NUDCD3: variants seen among roughly 807,000 people sequenced by gnomAD.
The protein encoded by NUDCD3 is nudC domain-containing protein 3.
Under a neutral mutation model 39.7 loss-of-function variants are expected in NUDCD3, and 13 were observed. The ratio of observed to expected loss-of-function variants is 0.33; its 90% CI spans 0.21 to 0.52. NUDCD3 has a LOEUF of 0.52. Among genes scored for constraint, NUDCD3 ranks in the 20% least tolerant of loss-of-function variants. The pLI is 0.96. For missense variants in NUDCD3, 453 were observed against 458.1 expected (o/e 0.99, Z 0.10); for synonymous variants, 175 against 172.4 (o/e 1.02, Z -0.12).
chr7:44,396,126 T>TGTG (rs1563164530), intron 4 of NUDCD3, among the ~76,000 whole-genome samples: 4 of 148,074 alleles, frequency 2.7e-5, no homozygotes, highest in African/African-American at 4.9e-5. Flanking sequence ...TGTGTGTGTG[T>TGTG]TTAATTACAG....
rs1798277492 is a variant in NUDCD3 at position 44,379,764 on chromosome 7, C to G, written c.*6247G>C. 1 of 152,260 alleles carries G rather than the reference C, an allele frequency of 6.6e-6. No individual in the cohort carries two copies. The highest frequency in any genetic ancestry group is 2.4e-5 in the African/African-American group (1 of 41,358). The allele number at this position is 152,260 out of a possible 1,614,324, so 9.4% of individuals were successfully genotyped here. A position where few individuals can be genotyped will look rare whatever the true frequency, so the allele number is the denominator to read the frequency against. ...TCCCCCACTGCATAGAGCCTGGTGC[C>G]AGGGAAGACAGGCTGGACCTGGCTG... is the stretch of plus-strand genomic sequence containing the variant. On this transcript the variant is annotated 3_prime_UTR_variant, in exon 6 of 6. Coordinates refer to ENST00000355451, the MANE Select transcript of NUDCD3 (RefSeq NM_015332.4).
At chr7:44,416,226 G>A (rs1172115216) in intron 3 of NUDCD3, among the ~76,000 whole-genome samples, 8 of 152,132 alleles carry the variant, frequency 5.3e-5, no homozygotes. Flanking sequence ...TAGGACTACA[G>A]CAGCGTGCCA....
chr7:44,466,549 AGGCTCAGCCATGTGGTTCTG>A (rs1367017931), intron 2 of NUDCD3, among the ~76,000 whole-genome samples: 1 of 152,218 alleles, frequency 6.6e-6, no homozygotes, highest in East Asian at 1.9e-4. Flanking sequence ...CTCTGGTACC[AGGCTCAGCCATGTGGTTCTG>A]GGCTCAGCCA....
At chr7:44,401,614 T>C (rs1307595552) in intron 4 of NUDCD3, among the ~76,000 whole-genome samples, 3 of 152,168 alleles carry the variant, frequency 2.0e-5, no homozygotes, top group Non-Finnish European at 4.4e-5. Flanking sequence ...TAAGGAACCA[T>C]GGGAAAGAAC....
chr7:44,425,704 A>AT (rs77457493), intron 3 of NUDCD3, among the ~76,000 whole-genome samples: 1 of 151,932 alleles, frequency 6.6e-6, no homozygotes. Flanking sequence ...TCTACAAAAA[A>AT]TTTTTTTTAA....
At chr7:44,406,187 G>C (rs944576798) in intron 3 of NUDCD3, among the ~76,000 whole-genome samples, 1 of 152,336 alleles carries the variant, frequency 6.6e-6, no homozygotes, top group African/African-American at 2.4e-5. Context: ...GGGACACAGC[G>C]AAGATATTCT....
intron 2 of NUDCD3, chr7:44,484,650 C>T (rs1800566701): frequency 8.3e-6 from 2 of 239,842 alleles, no homozygotes; most frequent in African/African-American, 2.2e-5. Flanking sequence ...CACAAACAAT[C>T]GAGCTGCTGA....
intron 2 of NUDCD3, chr7:44,467,830 AAG>A: frequency 9.1e-6 from 9 of 986,404 alleles, no homozygotes; most frequent in Non-Finnish European, 1.3e-5. Flanking sequence ...AAAAAAAAAA[AAG>A]AAAAGAAAAG....
chr7:44,452,114 AT>A (rs1226552783), intron 2 of NUDCD3, among the ~76,000 whole-genome samples: 1 of 152,236 alleles, frequency 6.6e-6, no homozygotes, highest in African/African-American at 2.4e-5. Flanking sequence ...GAGACAGCCC[AT>A]CCCAAGTCCC....
At chr7:44,466,059 A>T (rs1455190490) in intron 2 of NUDCD3, among the ~76,000 whole-genome samples, 1 of 152,144 alleles carries the variant, frequency 6.6e-6, no homozygotes, top group Non-Finnish European at 1.5e-5. Flanking sequence ...GCCACCCAAC[A>T]TGAGACATCT....
intron 2 of NUDCD3, among the ~76,000 whole-genome samples, chr7:44,452,697 T>C (rs1188864910): frequency 6.6e-6 from 1 of 152,154 alleles, no homozygotes; most frequent in Non-Finnish European, 1.5e-5. Flanking sequence ...TGATTTAAAA[T>C]ATAATCAAGT....
At chr7:44,453,774 T>G (rs987757650) in intron 2 of NUDCD3, among the ~76,000 whole-genome samples, 2 of 152,210 alleles carry the variant, frequency 1.3e-5, no homozygotes, top group Admixed American at 1.3e-4. Context: ...CCAGGCGTGG[T>G]GGCTCACACC....
At chr7:44,399,181 A>G (rs1798677582) in intron 4 of NUDCD3, among the ~76,000 whole-genome samples, 1 of 152,172 alleles carries the variant, frequency 6.6e-6, no homozygotes, top group African/African-American at 2.4e-5. Context: ...AGGCACCATT[A>G]GCCGGCTCTG....
intron 2 of NUDCD3, among the ~76,000 whole-genome samples, chr7:44,432,328 G>T (rs1799380042): frequency 6.6e-6 from 1 of 152,176 alleles, no homozygotes; most frequent in South Asian, 2.1e-4. Flanking sequence ...AAAGCTAGTG[G>T]CAAGTATGTA....
chr7:44,394,277 T>C (rs1420163441), intron 4 of NUDCD3, among the ~76,000 whole-genome samples: 2 of 152,208 alleles, frequency 1.3e-5, no homozygotes, highest in Non-Finnish European at 2.9e-5. Context: ...ACCCAGTAAA[T>C]GACGCTGCTC....
chr7:44,449,514 T>C (rs1048175496), intron 2 of NUDCD3, among the ~76,000 whole-genome samples: 9 of 152,128 alleles, frequency 5.9e-5, no homozygotes, highest in Non-Finnish European at 1.2e-4. Context: ...AAGGGAATAA[T>C]GTGCTTGACA....
intron 2 of NUDCD3, 107 bp from the exon 3 acceptor site, chr7:44,427,810 A>C: frequency 3.9e-5 from 46 of 1,166,824 alleles, no homozygotes; most frequent in Non-Finnish European, 4.9e-5. Context: ...TGACCAACTC[A>C]AGTTTCATCT....
intron 3 of NUDCD3, among the ~76,000 whole-genome samples, chr7:44,412,184 C>T (rs1798939539): frequency 6.6e-6 from 1 of 152,196 alleles, no homozygotes; most frequent in African/African-American, 2.4e-5. Flanking sequence ...GATGAAGATA[C>T]ACATGCAAGT....
intron 2 of NUDCD3, among the ~76,000 whole-genome samples, chr7:44,447,291 T>C (rs1412433301): frequency 6.6e-6 from 1 of 152,220 alleles, no homozygotes; most frequent in African/African-American, 2.4e-5. Flanking sequence ...CGAGCCTGAG[T>C]AGCCTGCCCC....
Sources: allele counts gnomAD v4.1 joint callset (sites outside exome capture counted in the v4.1 genomes callset), GRCh38; gene constraint gnomAD v4.1.1; transcripts MANE v1.5; gene names NCBI Gene and HGNC (gene_info 2026-07-23, HGNC 2026-07-21).